The following PCDHA12 variants were observed in gnomAD, a reference collection of about 807,000 sequenced individuals.
The protein encoded by PCDHA12 is protocadherin alpha 12.
A neutral mutation model predicts 60.0 loss-of-function variants in PCDHA12; 44 were observed. The ratio of observed to expected loss-of-function variants is 0.73; its 90% CI spans 0.58 to 0.94. The LOEUF (loss-of-function observed/expected upper bound fraction) is 0.94. PCDHA12 is among the 40% of genes least tolerant of loss of function. PCDHA12 has a pLI of 0.00. For missense variants in PCDHA12, 1,276 were observed against 1,239.7 expected, an observed-to-expected ratio of 1.03 and a Z score of -0.44; for synonymous variants, 569 against 553.0, an observed-to-expected ratio of 1.03 and a Z score of -0.40.
At chr5:140,909,502 G>A (rs1583705871) in intron 1 of PCDHA12, among the ~76,000 whole-genome samples, 2 of 152,180 alleles carry the variant, frequency 1.3e-5, no homozygotes. Flanking sequence ...CGGGGATGTG[G>A]TGGGAATCAC....
chr5:141,010,360 C>T lies in PCDHA12; in HGVS notation c.*423C>T, dbSNP rs1436094767. 22 of 1,488,936 alleles carry T rather than the reference C, an allele frequency of 1.5e-5. No individual in the cohort carries two copies. Among genetic ancestry groups the T allele is most frequent in the Non-Finnish European group, 1.9e-5 (21 of 1,118,260 alleles). The allele number at this position is 1,488,936 out of a possible 1,614,324, so 92.2% of individuals were successfully genotyped here. ...GGCCACTGGGTATGTGTGGCTACCG[C>T]GGGTATGCGAGTGCCAGATATTGGC... On this transcript the variant is annotated 3_prime_UTR_variant, in exon 4 of 4. Coordinates refer to ENST00000398631, the MANE Select transcript of PCDHA12 (RefSeq NM_018903.4).
At chr5:140,882,319 G>A in intron 1 of PCDHA12, 1 of 1,614,136 alleles carries the variant, frequency 6.2e-7, no homozygotes, top group Admixed American at 1.7e-5. Context: ...TACTGCTCTG[G>A]CTTCTGATCC....
intron 1 of PCDHA12, among the ~76,000 whole-genome samples, chr5:140,907,507 T>C (rs1358466312): frequency 2.0e-5 from 3 of 152,230 alleles, no homozygotes; most frequent in Admixed American, 6.5e-5. Context: ...TAAGTGTCTA[T>C]TCCAGTGAGG....
intron 1 of PCDHA12, among the ~76,000 whole-genome samples, chr5:140,915,441 A>G (rs2077120331): frequency 6.6e-6 from 1 of 152,052 alleles, no homozygotes; most frequent in African/African-American, 2.4e-5. Context: ...GTCCTTCTTG[A>G]GAAGGTTTTC....
At chr5:140,966,900 G>A (rs376213042) in intron 1 of PCDHA12, 1 of 1,598,684 alleles carries the variant, frequency 6.3e-7, no homozygotes, top group Non-Finnish European at 8.5e-7. Flanking sequence ...TCCCAGCTGC[G>A]ATACTCTGTG....
At chr5:140,977,448 CTCCTT>C (rs1554238572) in intron 1 of PCDHA12, among the ~76,000 whole-genome samples, 2 of 152,212 alleles carry the variant, frequency 1.3e-5, no homozygotes, top group Non-Finnish European at 2.9e-5. Context: ...ATAATGGAAA[CTCCTT>C]TGATTTGGTC....
intron 1 of PCDHA12, among the ~76,000 whole-genome samples, chr5:140,978,103 A>G (rs2096789005): frequency 6.6e-6 from 1 of 152,106 alleles, no homozygotes; most frequent in South Asian, 2.1e-4. Flanking sequence ...AACTCCCCCA[A>G]CAGTCTTTAA....
At chr5:140,893,219 G>T (rs1273209081) in intron 1 of PCDHA12, among the ~76,000 whole-genome samples, 1 of 152,194 alleles carries the variant, frequency 6.6e-6, no homozygotes. Context: ...GGAGGTGCAG[G>T]TATCACTTTG....
At chr5:140,910,213 G>C (rs1375224674) in intron 1 of PCDHA12, among the ~76,000 whole-genome samples, 1 of 152,170 alleles carries the variant, frequency 6.6e-6, no homozygotes, top group African/African-American at 2.4e-5. Flanking sequence ...TGACCTGGAA[G>C]TTTTCTGCTT....
At chr5:140,985,148 A>G (rs2097138818) in intron 3 of PCDHA12, among the ~76,000 whole-genome samples, 1 of 152,192 alleles carries the variant, frequency 6.6e-6, no homozygotes, top group South Asian at 2.1e-4. Context: ...CGTGTTAGCC[A>G]GGATTGTCTC....
chr5:140,932,469 A>T (rs1356318037), intron 1 of PCDHA12, among the ~76,000 whole-genome samples: 12 of 152,030 alleles, frequency 7.9e-5, no homozygotes, highest in African/African-American at 2.4e-4. Context: ...TATATAGGAA[A>T]TAGGATATCT....
intron 1 of PCDHA12, among the ~76,000 whole-genome samples, chr5:140,941,208 T>TTCCTTTCTTTCTTTCTTTCTTTCG (rs2092839762): frequency 9.1e-6 from 1 of 109,450 alleles, no homozygotes; most frequent in Non-Finnish European, 2.0e-5. Context: ...TCTTCCTTTC[T>TTCCTTTCTTTCTTTCTTTCTTTCG]TTCTTCCTTT....
At chr5:140,985,348 A>G (rs1197077354) in intron 3 of PCDHA12, among the ~76,000 whole-genome samples, 2 of 152,190 alleles carry the variant, frequency 1.3e-5, no homozygotes, top group Non-Finnish European at 2.9e-5. Context: ...AGGCCCAGAT[A>G]TAGACCCTCT....
At chr5:141,006,105 GT>G (rs79904017) in intron 3 of PCDHA12, among the ~76,000 whole-genome samples, 172 of 143,342 alleles carry the variant, frequency 1.2e-3, no homozygotes, top group East Asian at 2.0e-3. Context: ...ATGGTAAGGA[GT>G]TTTTTTTTTT....
chr5:140,965,942 C>G (rs2095950444), intron 1 of PCDHA12, among the ~76,000 whole-genome samples: 2 of 152,330 alleles, frequency 1.3e-5, no homozygotes, highest in Admixed American at 1.3e-4. Flanking sequence ...AAGAGGGCAG[C>G]ATTTGCCATC....
At chr5:140,929,153 A>T in intron 1 of PCDHA12, 1 of 1,614,164 alleles carries the variant, frequency 6.2e-7, no homozygotes, top group African/African-American at 1.3e-5. Context: ...TCTCAGACTT[A>T]TCTCTATCGG....
At chr5:140,949,544 T>A (rs981428881) in intron 1 of PCDHA12, among the ~76,000 whole-genome samples, 1 of 151,908 alleles carries the variant, frequency 6.6e-6, no homozygotes, top group Non-Finnish European at 1.5e-5. Flanking sequence ...TATCGATTTG[T>A]TGCTGGTCAT....
In PCDHA12 at chr5:140,967,342, C is replaced by G. The variant is rs149890293; in HGVS notation, c.2368-11607C>G. On this transcript the variant is annotated intron_variant, in intron 1 of 3. Coordinates refer to ENST00000398631, the MANE Select transcript of PCDHA12 (RefSeq NM_018903.4). ...CCTACGAGCTCAGCCCCAGCGAGCACTTCGAGCTGGACCTTAAGCCCCTGC... is the reference window on the plus strand; with the variant it reads ...CCTACGAGCTCAGCCCCAGCGAGCAGTTCGAGCTGGACCTTAAGCCCCTGC... The G allele has an allele frequency of 1.9e-6, 3 of 1,607,992 alleles. No individual in the cohort carries two copies. In the African/African-American group the frequency reaches 4.0e-5, roughly 22 times the overall value.
At chr5:140,938,752 A>G (rs1213369856) in intron 1 of PCDHA12, among the ~76,000 whole-genome samples, 1 of 152,146 alleles carries the variant, frequency 6.6e-6, no homozygotes, top group Non-Finnish European at 1.5e-5. Flanking sequence ...TTTTAAAGGC[A>G]TAGTTATTGG....
Sources: allele counts gnomAD v4.1 joint callset (sites outside exome capture counted in the v4.1 genomes callset), GRCh38; gene constraint gnomAD v4.1.1; transcripts MANE v1.5; gene names NCBI Gene and HGNC (gene_info 2026-07-23, HGNC 2026-07-21).